SGCZ: variants seen among roughly 807,000 people sequenced by gnomAD.
The protein encoded by SGCZ is zeta-sarcoglycan.
In SGCZ, 40 loss-of-function variants were observed where a neutral mutation model predicts 41.3. That is an observed-to-expected ratio of 0.97 (90% CI 0.75 to 1.26). The LOEUF is 1.26. SGCZ is among the 50% of genes most tolerant of loss of function. SGCZ has a pLI of 0.00. For missense variants in SGCZ, 552 were observed against 369.8 expected, an observed-to-expected ratio of 1.49 and a Z score of -4.04; for synonymous variants, 206 against 137.5, an observed-to-expected ratio of 1.50 and a Z score of -3.49.
At chr8:14,384,022 G>A (rs994186753) in intron 2 of SGCZ, among the ~76,000 whole-genome samples, 2 of 150,868 alleles carry the variant, frequency 1.3e-5, no homozygotes, top group African/African-American at 2.4e-5. Flanking sequence ...ACAACATGTA[G>A]GTTACACATG....
intron 5 of SGCZ, among the ~76,000 whole-genome samples, chr8:14,160,436 T>C (rs571311532): frequency 2.0e-5 from 3 of 152,272 alleles, no homozygotes; most frequent in South Asian, 2.1e-4. Context: ...CAAAAGATAA[T>C]TGAATTAAGT....
At chr8:14,312,549 C>A (rs1585349918) in intron 3 of SGCZ, among the ~76,000 whole-genome samples, 1 of 152,068 alleles carries the variant, frequency 6.6e-6, no homozygotes, top group South Asian at 2.1e-4. Context: ...AGGCCAGGAA[C>A]TTGAAGCTCC....
intron 1 of SGCZ, among the ~76,000 whole-genome samples, chr8:15,067,156 A>C (rs1442236630): frequency 6.6e-6 from 1 of 152,142 alleles, no homozygotes; most frequent in African/African-American, 2.4e-5. Flanking sequence ...AATTTTGTAT[A>C]ATCTCCAGTC....
chr8:15,168,610 T>C (rs1372777879), intron 1 of SGCZ, among the ~76,000 whole-genome samples: 1 of 151,640 alleles, frequency 6.6e-6, no homozygotes, highest in Non-Finnish European at 1.5e-5. Context: ...CCCCGGTATC[T>C]GCTAGGAAGA....
At chr8:14,237,043 C>A (rs1320249387) in intron 4 of SGCZ, among the ~76,000 whole-genome samples, 1 of 151,874 alleles carries the variant, frequency 6.6e-6, no homozygotes, top group Non-Finnish European at 1.5e-5. Flanking sequence ...TTTATATAAG[C>A]AGATACAATT....
rs145343054 is a variant in SGCZ, at chr8:14,309,479, G to A, written c.336+14624C>T. On this transcript the variant is annotated intron_variant, in intron 3 of 7. Coordinates refer to ENST00000382080, the MANE Select transcript of SGCZ (RefSeq NM_139167.4). The stretch of plus-strand genomic sequence containing the variant: ...CAGTGATGATGTATGTGGCGCTGTT[G>A]TTAATGTTAGAGCTAATTGTGATAA... 129 of 1,607,390 alleles carry A rather than the reference G, an allele frequency of 8.0e-5. No individual in the cohort carries two copies. The East Asian group carries it at 2.6e-3, about 33-fold the overall frequency.
rs1440785516 is a variant in SGCZ at position 14,305,387 on chromosome 8, T to A, written c.336+18716A>T. Among the ~76,000 whole-genome samples, 4 of 152,140 alleles carry A rather than the reference T, an allele frequency of 2.6e-5. No individual in the cohort carries two copies. The South Asian group carries it at 8.3e-4, about 31-fold the overall frequency. On this transcript the variant is annotated intron_variant, in intron 3 of 7. Transcript: ENST00000382080. ...TTAAAACTACGGGAAGGCATCAATG[T>A]CCCTAAACCAAGACTTTTCAAAAAT...
At chr8:14,830,192 G>C (rs1433862544) in intron 1 of SGCZ, among the ~76,000 whole-genome samples, 1 of 151,860 alleles carries the variant, frequency 6.6e-6, no homozygotes, top group East Asian at 1.9e-4. Flanking sequence ...TATTTATTTG[G>C]TTATTTAATT....
Position 15,237,697 on chromosome 8 carries a change from G to A in SGCZ, c.-74C>T. The A allele has an allele frequency of 1.3e-6, 2 of 1,514,190 alleles. No homozygotes were observed. Among genetic ancestry groups the A allele is most frequent in the East Asian group, 2.5e-5 (1 of 40,658 alleles). The allele number at this position is 1,514,190 out of a possible 1,614,324, so 93.8% of individuals were successfully genotyped here. A position where few individuals can be genotyped will look rare whatever the true frequency, so the allele number is the denominator to read the frequency against. ...AAACAATCTAGTCTTTTAGTTTCCA[G>A]CTTAAACTCAGCTTTATCCTCCTCC... On this transcript the variant is annotated 5_prime_UTR_variant, in exon 1 of 8. Coordinates refer to ENST00000382080, the MANE Select transcript of SGCZ (RefSeq NM_139167.4).
At chr8:14,313,498 G>C (rs1737329064) in intron 3 of SGCZ, among the ~76,000 whole-genome samples, 1 of 151,948 alleles carries the variant, frequency 6.6e-6, no homozygotes, top group African/African-American at 2.4e-5. Context: ...TGTATTTTTA[G>C]TAGTGACAAG....
chr8:14,227,758 C>G (rs924425319), intron 4 of SGCZ, among the ~76,000 whole-genome samples: 3 of 152,026 alleles, frequency 2.0e-5, no homozygotes, highest in African/African-American at 7.2e-5. Flanking sequence ...ATTTTCTCCT[C>G]TTCCTTTGCT....
At chr8:14,710,317 C>T (rs763800570) in intron 1 of SGCZ, among the ~76,000 whole-genome samples, 7 of 138,262 alleles carry the variant, frequency 5.1e-5, no homozygotes, top group Non-Finnish European at 7.5e-5. Context: ...TTGCAGTGAG[C>T]GGAGATCGCG....
At chr8:14,589,058 T>C (rs1805156041) in intron 1 of SGCZ, among the ~76,000 whole-genome samples, 1 of 152,206 alleles carries the variant, frequency 6.6e-6, no homozygotes, top group African/African-American at 2.4e-5. Flanking sequence ...GTGACCTTTG[T>C]TCAATGTAGC....
chr8:15,001,444 G>C (rs1277126635), intron 1 of SGCZ, among the ~76,000 whole-genome samples: 1 of 152,072 alleles, frequency 6.6e-6, no homozygotes, highest in Non-Finnish European at 1.5e-5. Context: ...AAGAGTGGAG[G>C]GTAGGCCGGG....
chr8:14,910,906 T>C (rs1799263120), intron 1 of SGCZ, among the ~76,000 whole-genome samples: 1 of 151,988 alleles, frequency 6.6e-6, no homozygotes, highest in African/African-American at 2.4e-5. Context: ...GCTTAATCAG[T>C]GACCTTAAAG....
chr8:14,866,443 G>GAA (rs200608136), intron 1 of SGCZ, among the ~76,000 whole-genome samples: 3,240 of 151,906 alleles, frequency 0.021, 42 homozygotes, highest in Middle Eastern at 0.048. Flanking sequence ...CTATAAGAAA[G>GAA]AAAAAAACAC....
chr8:14,829,067 C>G (rs1398048258), intron 1 of SGCZ, among the ~76,000 whole-genome samples: 1 of 151,992 alleles, frequency 6.6e-6, no homozygotes, highest in Non-Finnish European at 1.5e-5. Flanking sequence ...TCCCTGAAAC[C>G]TTTGTGTAAC....
chr8:14,977,221 A>G (rs911284676), intron 1 of SGCZ, among the ~76,000 whole-genome samples: 1 of 152,124 alleles, frequency 6.6e-6, no homozygotes, highest in Admixed American at 6.5e-5. Flanking sequence ...CTTCACAGTG[A>G]AGCCTCCACC....
intron 1 of SGCZ, among the ~76,000 whole-genome samples, chr8:14,730,189 G>A (rs1289589846): frequency 6.6e-6 from 1 of 152,226 alleles, no homozygotes; most frequent in East Asian, 1.9e-4. Context: ...CAGTGGGTGA[G>A]AAGTTTTCTG....
Sources: gnomAD v4.1 joint callset for allele counts (sites outside exome capture counted in the v4.1 genomes callset) on GRCh38, gnomAD v4.1.1 for gene constraint, MANE v1.5 for transcripts, NCBI Gene and HGNC (gene_info 2026-07-23, HGNC 2026-07-21) for gene names.